Variants in SLC39A5 observed in about 807,000 individuals in gnomAD.
SLC39A5 encodes the protein zinc transporter ZIP5.
In SLC39A5, 42 loss-of-function variants were observed where a neutral mutation model predicts 46.9. That is an observed-to-expected ratio of 0.90 (90% CI 0.70 to 1.16). The LOEUF is 1.16. Among genes scored for constraint, SLC39A5 ranks in the 50% most tolerant of loss-of-function variants. SLC39A5 has a pLI of 0.00. For missense variants in SLC39A5, 677 were observed against 686.8 expected, an observed-to-expected ratio of 0.99 and a Z score of 0.16; for synonymous variants, 311 against 323.1, an observed-to-expected ratio of 0.96 and a Z score of 0.40.
rs764253027 is a variant in SLC39A5, at chr12:56,231,458, C to A, written c.184C>A (p.Leu62Ile). The change falls in exon 4 of 13, where the codon CTC becomes ATC. Residue 62 changes from leucine to isoleucine, a missense_variant. By Grantham distance (5) the Leu-to-Ile change is conservative. Transcript: ENST00000454355. ...TLTAGGLARLLHSLGLGRVQG... is the reference protein window; with the variant it reads ...TLTAGGLARLIHSLGLGRVQG... The stretch of plus-strand genomic sequence containing the variant: ...GACTGCAGGGGGCTTGGCGCGGCTT[C>A]TCCACAGCCTGGGGCTAGGCCGAGT... 1 of 1,613,954 alleles carries A rather than the reference C, an allele frequency of 6.2e-7. No individual in the cohort carries two copies. The highest frequency in any genetic ancestry group is 1.7e-5 in the Admixed American group (1 of 59,988).
Position 56,231,199 on chromosome 12 carries a change from T to G in SLC39A5, c.-71-5T>G. 1 of 1,473,260 alleles carries G rather than the reference T, an allele frequency of 6.8e-7. No homozygotes were observed. Among genetic ancestry groups the G allele is most frequent in the Non-Finnish European group, 9.1e-7 (1 of 1,093,610 alleles). The allele number at this position is 1,473,260 out of a possible 1,614,324, so 91.3% of individuals were successfully genotyped here. Reference sequence around the variant, plus strand: ...GCAGCTCCAGCCCATTCCTCATTCTTCCAGGGCACAGTCCTCAGGATGTTT... The same window carrying G: ...GCAGCTCCAGCCCATTCCTCATTCTGCCAGGGCACAGTCCTCAGGATGTTT... On this transcript the variant is annotated splice_region_variant and splice_polypyrimidine_tract_variant and intron_variant, in intron 3 of 12. Transcript: ENST00000454355.
At chr12:56,237,036 G>A (rs1255162020) in intron 11 of SLC39A5, 25 bp downstream of exon 11, 2 of 1,613,910 alleles carry the variant, frequency 1.2e-6, no homozygotes, top group East Asian at 4.5e-5. Context: ...AGCAGGGTGG[G>A]GTGGACTCCA....
In SLC39A5 at chr12:56,237,635, G is replaced by A. The variant is rs1870956029; in HGVS notation, c.1527G>A (p.Val509=). The change falls in exon 13 of 13, where the codon GTG becomes GTA. Residue 509 remains valine, a synonymous_variant. Coordinates refer to ENST00000454355, the MANE Select transcript of SLC39A5 (RefSeq NM_173596.3). ...CGGAGCCCCTGCCTACGCCCCATGT[G>A]CTCCTGCAGGGGCTGGGGCTGCTGC... ...RPPEPLPTPH[V]LLQGLGLLLG... 5 of 1,612,922 alleles carry A rather than the reference G, an allele frequency of 3.1e-6. No individual in the cohort carries two copies. The South Asian group carries it at 5.5e-5, about 18-fold the overall frequency.
Position 56,237,311 on chromosome 12 carries a change from G to T in SLC39A5, c.1450G>T (p.Val484Phe). ...CTGGGTGTTTGGGGTCACTGCTGGG[G>T]TCTTCCTCTATGTGGCCCTTGTGGA... ...TPWVFGVTAG[V>F]FLYVALVDML... Residue 484 changes from valine to phenylalanine, a missense_variant, in exon 12 of 13, where the codon GTC becomes TTC. Physicochemically the swap from Val to Phe is conservative, Grantham distance 50. Coordinates refer to ENST00000454355, the MANE Select transcript of SLC39A5 (RefSeq NM_173596.3). The T allele has an allele frequency of 6.2e-7, 1 of 1,607,678 alleles. No individual in the cohort carries two copies. Among genetic ancestry groups the T allele is most frequent in the Non-Finnish European group, 8.5e-7 (1 of 1,176,686 alleles).
Position 56,237,235 on chromosome 12 carries a change from G to C in SLC39A5, c.1374G>C (p.Gly458=). Residue 458 remains glycine (G), a synonymous_variant, in exon 12 of 13, where the codon GGG becomes GGC. Transcript: ENST00000454355. ...TCGTGTCTGGAGCCCTGGGATTGGGGGGTGCAGTCCTGGGGGTGGGGCTCA... is the reference window on the plus strand; with the variant it reads ...TCGTGTCTGGAGCCCTGGGATTGGGCGGTGCAGTCCTGGGGGTGGGGCTCA... ...LSLVSGALGL[G]GAVLGVGLSL... is the part of the protein sequence containing the mutation. 6.2e-7 allele frequency: 1 copy of C among 1,613,970 alleles called. No homozygotes were observed.
rs567044456 is a variant in SLC39A5 at position 56,231,235 on chromosome 12, A to G, written c.-40A>G. 3 of 1,544,156 alleles carry G rather than the reference A, an allele frequency of 1.9e-6. No individual in the cohort carries two copies. Among genetic ancestry groups the G allele is most frequent in the Non-Finnish European group, 2.6e-6 (3 of 1,144,658 alleles). ...GTCCTCAGGATGTTTCGGGGAGAATAGGAGCCAGAACCTGAGCCCCTAAGC... is the reference window on the plus strand; with the variant it reads ...GTCCTCAGGATGTTTCGGGGAGAATGGGAGCCAGAACCTGAGCCCCTAAGC... On this transcript the variant is annotated 5_prime_UTR_variant, in exon 4 of 13. It adds an upstream start codon to the 5' untranslated region. Transcript: ENST00000454355.
chr12:56,235,815 C>T lies in SLC39A5; in HGVS notation c.945+115C>T, dbSNP rs558467874. ...ATCCCAGCACTTTGGGAGCCCAAGGCGGGCAGATCACAAGGTTAGGAGTTC... is the reference window on the plus strand; with the variant it reads ...ATCCCAGCACTTTGGGAGCCCAAGGTGGGCAGATCACAAGGTTAGGAGTTC... On this transcript the variant is annotated intron_variant, in intron 8 of 12. Coordinates refer to ENST00000454355, the MANE Select transcript of SLC39A5 (RefSeq NM_173596.3). 1.4e-4 allele frequency: 191 copies of T among 1,375,396 alleles called. 1 individual carries two copies. In the Admixed American group the frequency reaches 1.5e-3, roughly 11 times the overall value. 85.2% of individuals were successfully genotyped at this position (1,375,396 alleles called of 1,614,324 possible). A position where few individuals can be genotyped will look rare whatever the true frequency, so the allele number is the denominator to read the frequency against.
chr12:56,232,951 GT>G, intron 5 of SLC39A5, 79 bp downstream of exon 5: 1 of 1,432,520 alleles, frequency 7.0e-7, no homozygotes, highest in Non-Finnish European at 9.4e-7. Context: ...GTAGTTTTTT[GT>G]TTTGTTTTGT....
chr12:56,234,688 T>G (rs973896581), intron 5 of SLC39A5, 136 bp from the exon 6 acceptor site: 10 of 913,838 alleles, frequency 1.1e-5, no homozygotes, highest in Non-Finnish European at 1.5e-5. Context: ...CTCAAACTCC[T>G]GACCTCAGAT....
rs900698645 is a variant in SLC39A5 at position 56,234,871 on chromosome 12, T to C, written c.519T>C (p.Ala173=). 1 of 1,613,804 alleles carries C rather than the reference T, an allele frequency of 6.2e-7. No individual in the cohort carries two copies. The highest frequency in any genetic ancestry group is 8.5e-7 in the Non-Finnish European group (1 of 1,180,044). ...QLLVNFGLSP[A]APLTPRQFAL... ...TGGTCAATTTTGGCTTGAGCCCCGC[T>C]GCTCCTCTGACCCCTCGTCAGTTTG... is the stretch of plus-strand genomic sequence containing the variant. Residue 173 remains alanine (A), a synonymous_variant, in exon 6 of 13, where the codon GCT becomes GCC. Transcript: ENST00000454355.
intron 8 of SLC39A5, 113 bp downstream of exon 8, chr12:56,235,813 G>A: frequency 7.1e-7 from 1 of 1,402,304 alleles, no homozygotes; most frequent in Non-Finnish European, 9.9e-7. Flanking sequence ...GGGAGCCCAA[G>A]GCGGGCAGAT....
chr12:56,234,994 A>C lies in SLC39A5; in HGVS notation c.634+8A>C. The C allele has an allele frequency of 1.2e-5, 19 of 1,612,866 alleles. No individual in the cohort carries two copies. The highest frequency in any genetic ancestry group is 1.6e-5 in the Non-Finnish European group (19 of 1,179,972). ...CAGGGGATCTACTATCTGGTCAGCAAGTAGGAGTGGGTGGGGGACACCCTG... is the reference window on the plus strand; with the variant it reads ...CAGGGGATCTACTATCTGGTCAGCACGTAGGAGTGGGTGGGGGACACCCTG... On this transcript the variant is annotated splice_region_variant and intron_variant, in intron 6 of 12. Coordinates refer to ENST00000454355, the MANE Select transcript of SLC39A5 (RefSeq NM_173596.3).
Position 56,233,351 on chromosome 12 carries a change from G to A in SLC39A5, c.471+479G>A, listed in dbSNP as rs113277834. 5.0e-3 allele frequency among the ~76,000 whole-genome samples: 745 copies of A among 150,460 alleles called. 10 individuals carry two copies. Among genetic ancestry groups the A allele is most frequent in the African/African-American group, 0.017 (707 of 40,890 alleles). On this transcript the variant is annotated intron_variant, in intron 5 of 12. Coordinates refer to ENST00000454355, the MANE Select transcript of SLC39A5 (RefSeq NM_173596.3). ...TATAATCCCAGTTACTCGGAAGGCT[G>A]AGGCAGGAAAATCACTTGAACCCAG...
chr12:56,236,605 GAGA>G lies in SLC39A5; in HGVS notation c.1071_1073del (p.Lys357del), dbSNP rs766547757. 161 of 1,613,006 alleles carry G rather than the reference GAGA, an allele frequency of 1.0e-4. No homozygotes were observed. Among genetic ancestry groups the G allele is most frequent in the Non-Finnish European group, 1.2e-4 (142 of 1,179,296 alleles). On this transcript the variant is annotated inframe_deletion, in exon 10 of 13. Transcript: ENST00000454355. Reference sequence around the variant, plus strand: ...AGAGCCAGGGGCTCAGGGCCAGAGGGAGAAGAACAGCCAGCACCCACCAGCTCT... The same window carrying G: ...AGAGCCAGGGGCTCAGGGCCAGAGGGAGAACAGCCAGCACCCACCAGCTCT...
intron 8 of SLC39A5, 112 bp downstream of exon 8, chr12:56,235,812 A>C: frequency 7.2e-7 from 1 of 1,396,118 alleles, no homozygotes; most frequent in South Asian, 1.2e-5. Flanking sequence ...TGGGAGCCCA[A>C]GGCGGGCAGA....
At chr12:56,232,964 T>C (rs963676831) in intron 5 of SLC39A5, 92 bp downstream of exon 5, 1 of 1,367,086 alleles carries the variant, frequency 7.3e-7, no homozygotes, top group South Asian at 1.3e-5. Context: ...TTGTTTTGTT[T>C]TTAAATCCCA....
intron 8 of SLC39A5, 143 bp downstream of exon 8, chr12:56,235,843 G>C: frequency 9.3e-7 from 1 of 1,070,576 alleles, no homozygotes; most frequent in Non-Finnish European, 1.4e-6. Flanking sequence ...AGGAGTTCGA[G>C]TCCAGCCTGA....
At chr12:56,230,925 G>GA (rs1870140196) in intron 3 of SLC39A5, 52 bp downstream of exon 3, 1 of 245,438 alleles carries the variant, frequency 4.1e-6, no homozygotes, top group Non-Finnish European at 7.8e-6. Context: ...ATTGAGGGGG[G>GA]ATAAAGAGGT....
At position 56,235,553 on chromosome 12, in the gene SLC39A5, C is replaced by G; in HGVS notation, c.805-7C>G. On this transcript the variant is annotated splice_region_variant and splice_polypyrimidine_tract_variant and intron_variant, in intron 7 of 12. Coordinates refer to ENST00000454355, the MANE Select transcript of SLC39A5 (RefSeq NM_173596.3). ...TCCAGAGTCTGCCCTGACCTTCTCTCTGTCAGGCACAAGAAGGGCGGCACG... is the reference window on the plus strand; with the variant it reads ...TCCAGAGTCTGCCCTGACCTTCTCTGTGTCAGGCACAAGAAGGGCGGCACG... 1.2e-6 allele frequency: 2 copies of G among 1,613,268 alleles called. No homozygotes were observed. Among genetic ancestry groups the G allele is most frequent in the East Asian group, 4.5e-5 (2 of 44,866 alleles).
Sources: allele counts gnomAD v4.1 joint callset (sites outside exome capture counted in the v4.1 genomes callset), GRCh38; gene constraint gnomAD v4.1.1; transcripts MANE v1.5; gene names NCBI Gene and HGNC (gene_info 2026-07-23, HGNC 2026-07-21).